The following ABTB3 variants were observed in gnomAD, a reference collection of about 807,000 sequenced individuals.
ABTB3 encodes ankyrin repeat and BTB domain containing 3.
the ABTB3 span, among the ~76,000 whole-genome samples, chr12:107,477,404 G>A: frequency 2.7e-3 from 407 of 152,292 alleles, 1 homozygote; most frequent in African/African-American, 9.3e-3. Flanking sequence ...GCAGGCATTG[G>A]CGCTAAGACT....
At chr12:107,530,495 C>A in the ABTB3 span, among the ~76,000 whole-genome samples, 1 of 152,198 alleles carries the variant, frequency 6.6e-6, no homozygotes, top group Admixed American at 6.5e-5. Context: ...CTGATAATCC[C>A]ACTAGGGAGA....
chr12:107,392,230 C>G, the ABTB3 span, among the ~76,000 whole-genome samples: 1 of 152,198 alleles, frequency 6.6e-6, no homozygotes, highest in African/African-American at 2.4e-5. Flanking sequence ...CTGCCGTGAG[C>G]TAGCTTCTTT....
At chr12:107,555,931 TGCC>T in the ABTB3 span, among the ~76,000 whole-genome samples, 1 of 152,158 alleles carries the variant, frequency 6.6e-6, no homozygotes, top group Non-Finnish European at 1.5e-5. Flanking sequence ...CTGAAACATA[TGCC>T]ACATGACTGT....
At chr12:107,452,862 A>G in the ABTB3 span, among the ~76,000 whole-genome samples, 5 of 152,182 alleles carry the variant, frequency 3.3e-5, no homozygotes, top group Non-Finnish European at 7.3e-5. Context: ...ACAAGTAAAC[A>G]ACAACAACAA....
the ABTB3 span, among the ~76,000 whole-genome samples, chr12:107,365,945 C>T: frequency 2.6e-5 from 4 of 152,220 alleles, no homozygotes; most frequent in African/African-American, 7.2e-5. Flanking sequence ...CAACAGTTGG[C>T]TTCGATGGGG....
chr12:107,622,777 T>C, the ABTB3 span, among the ~76,000 whole-genome samples: 257 of 152,250 alleles, frequency 1.7e-3, 1 homozygote, highest in Non-Finnish European at 2.8e-3. Context: ...CCTGGCCAAA[T>C]ATCTTGTTTT....
chr12:107,582,523 C>T, the ABTB3 span, among the ~76,000 whole-genome samples: 1 of 152,214 alleles, frequency 6.6e-6, no homozygotes, highest in Non-Finnish European at 1.5e-5. Context: ...TGTACCTTGT[C>T]ACCTACAATA....
the ABTB3 span, among the ~76,000 whole-genome samples, chr12:107,441,220 T>C: frequency 2.0e-5 from 3 of 152,090 alleles, no homozygotes; most frequent in African/African-American, 7.2e-5. Context: ...CAAATGCCCA[T>C]CAATGATAGA....
chr12:107,431,728 C>T, the ABTB3 span, among the ~76,000 whole-genome samples: 1 of 152,216 alleles, frequency 6.6e-6, no homozygotes, highest in Non-Finnish European at 1.5e-5. Flanking sequence ...AAATACATCC[C>T]TAGCATAGGG....
the ABTB3 span, among the ~76,000 whole-genome samples, chr12:107,567,674 C>T: frequency 1.3e-5 from 2 of 152,170 alleles, no homozygotes; most frequent in Non-Finnish European, 2.9e-5. Flanking sequence ...GAGCAGCAGA[C>T]AAATGAACAT....
the ABTB3 span, among the ~76,000 whole-genome samples, chr12:107,343,037 C>T: frequency 4.6e-5 from 7 of 152,074 alleles, no homozygotes; most frequent in African/African-American, 1.7e-4. Context: ...TTTTTAGAGA[C>T]AGGATCTCAT....
At chr12:107,439,111 A>G in the ABTB3 span, among the ~76,000 whole-genome samples, 1 of 152,318 alleles carries the variant, frequency 6.6e-6, no homozygotes, top group African/African-American at 2.4e-5. Context: ...ACGTAAAGAC[A>G]GTCACCCACA....
chr12:107,460,102 G>A, the ABTB3 span, among the ~76,000 whole-genome samples: 11 of 152,236 alleles, frequency 7.2e-5, no homozygotes, highest in Admixed American at 5.9e-4. Flanking sequence ...ACCCTTAACA[G>A]GGTACCAAGC....
chr12:107,433,940 C>T, the ABTB3 span, among the ~76,000 whole-genome samples: 24 of 152,308 alleles, frequency 1.6e-4, 1 homozygote, highest in East Asian at 4.6e-3. Flanking sequence ...CCTGCCCTCA[C>T]ATGGTGGAAG....
At chr12:107,508,444 T>TTTTTTTTTTTG in the ABTB3 span, among the ~76,000 whole-genome samples, 96 of 76,894 alleles carry the variant, frequency 1.2e-3, 2 homozygotes, top group East Asian at 0.03. Context: ...ATTTCTTTTT[T>TTTTTTTTTTTG]TTTTTTTTTT....
the ABTB3 span, among the ~76,000 whole-genome samples, chr12:107,376,302 C>T: frequency 1.3e-5 from 2 of 152,338 alleles, no homozygotes; most frequent in East Asian, 1.9e-4. Context: ...TTTGTCACCA[C>T]TGCGTCTCTG....
the ABTB3 span, among the ~76,000 whole-genome samples, chr12:107,636,069 T>A: frequency 4.6e-5 from 7 of 152,178 alleles, no homozygotes; most frequent in Non-Finnish European, 8.8e-5. Flanking sequence ...AGGCAGGCAC[T>A]GTGACTGCAA....
chr12:107,595,159 A>G, the ABTB3 span, among the ~76,000 whole-genome samples: 2 of 152,216 alleles, frequency 1.3e-5, no homozygotes, highest in Non-Finnish European at 2.9e-5. Context: ...GTTCCTAAAT[A>G]TGACTGTGAC....
the ABTB3 span, among the ~76,000 whole-genome samples, chr12:107,511,590 G>C: frequency 6.6e-6 from 1 of 152,158 alleles, no homozygotes; most frequent in African/African-American, 2.4e-5. Flanking sequence ...GGTTCTAAGA[G>C]AGAAGAAGCA....
Sources: gnomAD v4.1 joint callset for allele counts (sites outside exome capture counted in the v4.1 genomes callset) on GRCh38, gnomAD v4.1.1 for gene constraint, MANE v1.5 for transcripts, NCBI Gene and HGNC (gene_info 2026-07-23, HGNC 2026-07-21) for gene names.